Variants in CSMD1 observed in about 807,000 individuals in gnomAD.
CSMD1 encodes the protein CUB and sushi domain-containing protein 1.
A neutral mutation model predicts 417.5 loss-of-function variants in CSMD1; 213 were observed. The observed-to-expected ratio is 0.51, with a 90% CI of 0.46 to 0.57. The LOEUF is 0.57. Ranked by LOEUF, CSMD1 falls within the 20% of genes least tolerant of loss-of-function variation. CSMD1 has a pLI of 0.00. For missense variants in CSMD1, 6,923 were observed against 4,529.7 expected (o/e 1.53, Z -15.17); for synonymous variants, 2,862 against 1,736.8 (o/e 1.65, Z -16.11).
chr8:3,981,594 T>C (rs555289545), intron 5 of CSMD1, among the ~76,000 whole-genome samples: 19 of 152,122 alleles, frequency 1.2e-4, no homozygotes, highest in Admixed American at 3.3e-4. Context: ...AATTTTTCCT[T>C]TAAATTGTAT....
intron 18 of CSMD1, among the ~76,000 whole-genome samples, chr8:3,375,506 G>A (rs1328803442): frequency 6.6e-6 from 1 of 151,950 alleles, no homozygotes; most frequent in East Asian, 1.9e-4. Flanking sequence ...GACTCTCCAT[G>A]CCCTACAGAA....
intron 3 of CSMD1, among the ~76,000 whole-genome samples, chr8:4,188,637 C>G (rs1042378977): frequency 6.6e-6 from 1 of 152,030 alleles, no homozygotes; most frequent in Non-Finnish European, 1.5e-5. Context: ...CGCCTTTTAT[C>G]TATCGGAAAA....
intron 6 of CSMD1, among the ~76,000 whole-genome samples, chr8:3,737,016 C>A (rs2129049206): frequency 6.6e-6 from 1 of 152,336 alleles, no homozygotes; most frequent in Admixed American, 6.5e-5. Context: ...CAGCACACGA[C>A]TGTGGTTACA....
intron 3 of CSMD1, among the ~76,000 whole-genome samples, chr8:4,144,396 T>G (rs1293400700): frequency 2.0e-5 from 3 of 151,178 alleles, no homozygotes; most frequent in Non-Finnish European, 2.9e-5. Context: ...AATTTATCTT[T>G]TCTGTTTTGC....
intron 1 of CSMD1, among the ~76,000 whole-genome samples, chr8:4,947,613 C>G (rs1031166240): frequency 6.6e-6 from 1 of 152,048 alleles, no homozygotes; most frequent in East Asian, 1.9e-4. Context: ...TGTAAACTTA[C>G]GGCATTCTTC....
intron 3 of CSMD1, among the ~76,000 whole-genome samples, chr8:4,415,856 T>A (rs1337540726): frequency 6.6e-6 from 1 of 152,186 alleles, no homozygotes; most frequent in Non-Finnish European, 1.5e-5. Flanking sequence ...TAAATAAACG[T>A]AATATATACA....
chr8:4,544,852 A>C lies in CSMD1; in HGVS notation c.302+92490T>G, dbSNP rs73498629. ...GCTTCACTGCTTCCAAAAATAGGGA[A>C]CTGGAATTGAATAAGCAGCAAGGAA... On this transcript the variant is annotated intron_variant, in intron 2 of 69. Coordinates refer to ENST00000635120, the MANE Select transcript of CSMD1 (RefSeq NM_033225.6). Among the ~76,000 whole-genome samples, 305 of 152,336 alleles carry C rather than the reference A, an allele frequency of 2.0e-3. 1 individual carries two copies. The highest frequency in any genetic ancestry group is 7.0e-3 in the African/African-American group (291 of 41,582).
chr8:3,649,392 G>A (rs1051637817), intron 7 of CSMD1, among the ~76,000 whole-genome samples: 2 of 152,164 alleles, frequency 1.3e-5, no homozygotes, highest in South Asian at 4.1e-4. Flanking sequence ...ATCTGTATTA[G>A]TTCGTTTTCA....
At chr8:2,982,575 G>A (rs1194620421) in intron 54 of CSMD1, among the ~76,000 whole-genome samples, 1 of 152,190 alleles carries the variant, frequency 6.6e-6, no homozygotes, top group African/African-American at 2.4e-5. Flanking sequence ...CCAGCTCTAA[G>A]AGGGATCACT....
At chr8:4,932,548 G>C (rs535989781) in intron 1 of CSMD1, among the ~76,000 whole-genome samples, 2 of 152,190 alleles carry the variant, frequency 1.3e-5, no homozygotes, top group Non-Finnish European at 2.9e-5. Context: ...AGAAAATAAA[G>C]CTTGTGACGT....
chr8:4,500,195 A>G (rs985533949), intron 2 of CSMD1, among the ~76,000 whole-genome samples: 18 of 152,218 alleles, frequency 1.2e-4, no homozygotes, highest in Admixed American at 2.0e-4. Context: ...GTCTCTGAAG[A>G]GGATGGAACT....
chr8:2,974,721 A>G (rs1441587291), intron 55 of CSMD1, 97 bp from the exon 56 acceptor site: 16 of 812,284 alleles, frequency 2.0e-5, no homozygotes, highest in Non-Finnish European at 2.4e-5. Context: ...GACATCATGT[A>G]TTAAAGAAAA....
intron 2 of CSMD1, among the ~76,000 whole-genome samples, chr8:4,518,051 G>A (rs1357788698): frequency 6.6e-6 from 1 of 152,136 alleles, no homozygotes; most frequent in Non-Finnish European, 1.5e-5. Flanking sequence ...ACAGCTCACG[G>A]AAAGGTTTAT....
intron 4 of CSMD1, among the ~76,000 whole-genome samples, chr8:4,028,471 G>C (rs934509661): frequency 6.6e-6 from 1 of 151,510 alleles, no homozygotes; most frequent in African/African-American, 2.4e-5. Flanking sequence ...TAAACACCAA[G>C]CAGATCTCAT....
At chr8:4,580,707 A>G (rs1799374093) in intron 2 of CSMD1, among the ~76,000 whole-genome samples, 1 of 152,176 alleles carries the variant, frequency 6.6e-6, no homozygotes, top group South Asian at 2.1e-4. Context: ...CGACAACACC[A>G]GGAAGCCCTT....
At chr8:4,775,348 A>G (rs555941487) in intron 1 of CSMD1, among the ~76,000 whole-genome samples, 6 of 152,300 alleles carry the variant, frequency 3.9e-5, no homozygotes, top group African/African-American at 1.4e-4. Context: ...AAGGAACACT[A>G]CGAATTTTTA....
chr8:3,787,789 C>G (rs977909286), intron 5 of CSMD1, among the ~76,000 whole-genome samples: 7 of 152,178 alleles, frequency 4.6e-5, no homozygotes, highest in African/African-American at 1.7e-4. Flanking sequence ...GGAACTGGCA[C>G]TTTTTAGTAC....
At chr8:4,842,610 G>A (rs6558922) in intron 1 of CSMD1, among the ~76,000 whole-genome samples, 27,709 of 152,140 alleles carry the variant, frequency 0.18, 2,774 homozygotes, top group East Asian at 0.28. Flanking sequence ...GGGAACCCGG[G>A]TGCCTATGTG....
intron 4 of CSMD1, among the ~76,000 whole-genome samples, chr8:4,001,085 T>C (rs1361065854): frequency 2.0e-5 from 3 of 151,722 alleles, no homozygotes; most frequent in Admixed American, 6.6e-5. Context: ...CAAATGATTA[T>C]GAATTTTTGT....
Sources: allele counts gnomAD v4.1 joint callset (sites outside exome capture counted in the v4.1 genomes callset), GRCh38; gene constraint gnomAD v4.1.1; transcripts MANE v1.5; gene names NCBI Gene and HGNC (gene_info 2026-07-23, HGNC 2026-07-21).